KIAA1549L: variants seen among roughly 807,000 people sequenced by gnomAD.
The protein encoded by KIAA1549L is KIAA1549 like, also known as UPF0606 protein KIAA1549L.
A neutral mutation model predicts 160.7 loss-of-function variants in KIAA1549L; 88 were observed. The observed-to-expected ratio is 0.55, with a 90% CI of 0.46 to 0.65. The LOEUF is 0.65. Among genes scored for constraint, KIAA1549L ranks in the 30% least tolerant of loss-of-function variants. The pLI is 0.00. For missense variants in KIAA1549L, 2,258 were observed against 2,437.5 expected, an observed-to-expected ratio of 0.93 and a Z score of 1.55; for synonymous variants, 950 against 976.7, an observed-to-expected ratio of 0.97 and a Z score of 0.51.
At chr11:33,395,547 C>T (rs909928346) in intron 1 of KIAA1549L, among the ~76,000 whole-genome samples, 8 of 151,926 alleles carry the variant, frequency 5.3e-5, no homozygotes, top group African/African-American at 1.9e-4. Context: ...ATTTCTTTAA[C>T]ATATTTTAGA....
At chr11:33,402,008 T>C (rs1850511248) in intron 1 of KIAA1549L, among the ~76,000 whole-genome samples, 1 of 152,182 alleles carries the variant, frequency 6.6e-6, no homozygotes, top group Non-Finnish European at 1.5e-5. Flanking sequence ...GTGGGGGAAT[T>C]TAGGAGCCAG....
At chr11:33,495,989 G>T (rs1263745686) in intron 1 of KIAA1549L, among the ~76,000 whole-genome samples, 1 of 152,162 alleles carries the variant, frequency 6.6e-6, no homozygotes, top group Non-Finnish European at 1.5e-5. Flanking sequence ...TTGAGATGGA[G>T]TCTTGCTCTG....
chr11:33,431,067 C>G (rs1363210230), intron 1 of KIAA1549L, among the ~76,000 whole-genome samples: 1 of 151,944 alleles, frequency 6.6e-6, no homozygotes, highest in Non-Finnish European at 1.5e-5. Context: ...AGCTGCAGAC[C>G]TTTGCGGTGA....
At chr11:33,464,986 G>A (rs1852021986) in intron 1 of KIAA1549L, among the ~76,000 whole-genome samples, 2 of 151,508 alleles carry the variant, frequency 1.3e-5, no homozygotes, top group Admixed American at 1.3e-4. Context: ...TTTGTCCAGG[G>A]GTTCTCTCTG....
rs560808205 is a variant in KIAA1549L, at chr11:33,452,121, T to C, written c.238+75232T>C. 2.6e-5 allele frequency among the ~76,000 whole-genome samples: 4 copies of C among 152,044 alleles called. No individual in the cohort carries two copies. The East Asian group carries it at 7.7e-4, about 29-fold the overall frequency. On this transcript the variant is annotated intron_variant, in intron 1 of 20. Coordinates refer to ENST00000658780, the MANE Select transcript of KIAA1549L (RefSeq NM_012194.3). ...TAGTTAAAAGAATTAAACAACCCCC[T>C]CCCCCACCAAAAAACCATCTTCATT...
intron 1 of KIAA1549L, among the ~76,000 whole-genome samples, chr11:33,478,988 TGC>T (rs1852352153): frequency 6.6e-6 from 1 of 152,236 alleles, no homozygotes; most frequent in Non-Finnish European, 1.5e-5. Flanking sequence ...TTGGGCATGT[TGC>T]CCCTAAGGTT....
intron 15 of KIAA1549L, among the ~76,000 whole-genome samples, chr11:33,614,562 ATATATATATATATATATATATATTTTTT>A (rs1850746223): frequency 2.4e-4 from 3 of 12,652 alleles, no homozygotes; most frequent in African/African-American, 2.3e-3. Context: ...ATATATATAT[ATATATATATATATATATATATATTTTTT>A]TTTTTTTTTT....
chr11:33,503,586 A>G (rs1590293887), intron 1 of KIAA1549L, among the ~76,000 whole-genome samples: 1 of 152,234 alleles, frequency 6.6e-6, no homozygotes, highest in Non-Finnish European at 1.5e-5. Flanking sequence ...GTTCTTTTAA[A>G]TAAGTGAGAT....
intron 1 of KIAA1549L, among the ~76,000 whole-genome samples, chr11:33,463,545 A>G (rs1480008752): frequency 1.3e-5 from 2 of 152,220 alleles, no homozygotes; most frequent in South Asian, 2.1e-4. Flanking sequence ...AAAATAAATG[A>G]TGATTCTCTG....
intron 1 of KIAA1549L, among the ~76,000 whole-genome samples, chr11:33,522,310 A>G (rs1211235440): frequency 6.6e-6 from 1 of 152,208 alleles, no homozygotes; most frequent in African/African-American, 2.4e-5. Flanking sequence ...TATCATATTA[A>G]TGGCGTTAGA....
chr11:33,399,249 G>A (rs1043654303), intron 1 of KIAA1549L, among the ~76,000 whole-genome samples: 4 of 152,004 alleles, frequency 2.6e-5, no homozygotes, highest in Admixed American at 6.6e-5. Context: ...CACCACGCCC[G>A]GCCCAGTTAG....
rs1482259021 is a variant in KIAA1549L, at chr11:33,630,668, G to T, written c.5409+12006G>T. Among the ~76,000 whole-genome samples the T allele has an allele frequency of 7.2e-5, 11 of 152,222 alleles. 1 individual carries two copies. The highest frequency in any genetic ancestry group is 7.2e-4 in the Admixed American group (11 of 15,282). ...GCATGGTGCGTGCACCCAGTGACCT[G>T]CGCCCACTGTCTGGCACTCCCTAGT... is the stretch of plus-strand genomic sequence containing the variant. On this transcript the variant is annotated intron_variant, in intron 16 of 20. Transcript: ENST00000658780.
intron 1 of KIAA1549L, among the ~76,000 whole-genome samples, chr11:33,472,966 T>C (rs935653795): frequency 7.9e-5 from 12 of 152,204 alleles, no homozygotes; most frequent in South Asian, 2.1e-4. Context: ...GGAACATGAG[T>C]AGGGGCTGCT....
In KIAA1549L at chr11:33,594,049, A is replaced by G. The variant is rs927435233; in HGVS notation, c.4751+2628A>G. ...TCAGGAAGAAGGGCATGAGAAGAAC[A>G]AAGAGAGAGTAAGATCCAAGAAGCC... On this transcript the variant is annotated intron_variant, in intron 12 of 20. Coordinates refer to ENST00000658780, the MANE Select transcript of KIAA1549L (RefSeq NM_012194.3). Among the ~76,000 whole-genome samples, 5 of 152,142 alleles carry G rather than the reference A, an allele frequency of 3.3e-5. No homozygotes were observed. In the East Asian group the frequency reaches 9.6e-4, roughly 29 times the overall value.
At position 33,524,702 on chromosome 11, in the gene KIAA1549L, A is replaced by G. The variant is rs543534145; in HGVS notation, c.239-17100A>G. On this transcript the variant is annotated intron_variant, in intron 1 of 20. Coordinates refer to ENST00000658780, the MANE Select transcript of KIAA1549L (RefSeq NM_012194.3). ...TAAAGGGTATACATAAATGCTATATATATTTATGTATCTGCATGTGTATGT... is the reference window on the plus strand; with the variant it reads ...TAAAGGGTATACATAAATGCTATATGTATTTATGTATCTGCATGTGTATGT... 4.6e-5 allele frequency among the ~76,000 whole-genome samples: 7 copies of G among 152,274 alleles called. No homozygotes were observed. In the East Asian group the frequency reaches 1.3e-3, roughly 29 times the overall value.
chr11:33,561,763 C>G, intron 8 of KIAA1549L, 28 bp downstream of exon 8: 2 of 1,459,394 alleles, frequency 1.4e-6, no homozygotes, highest in Non-Finnish European at 1.9e-6. Context: ...AATTTCCCCT[C>G]TTCATGCTGT....
chr11:33,590,108 T>C (rs1850004853), intron 11 of KIAA1549L, among the ~76,000 whole-genome samples: 1 of 152,252 alleles, frequency 6.6e-6, no homozygotes, highest in African/African-American at 2.4e-5. Flanking sequence ...CTTATCTAAA[T>C]GCTGAACTTG....
intron 1 of KIAA1549L, among the ~76,000 whole-genome samples, chr11:33,461,419 G>C (rs770983313): frequency 4.6e-5 from 7 of 152,218 alleles, no homozygotes; most frequent in Admixed American, 4.6e-4. Flanking sequence ...GCTGGGATTC[G>C]AGAAAATGCC....
chr11:33,627,496 G>C (rs1035740571), intron 16 of KIAA1549L, among the ~76,000 whole-genome samples: 1 of 152,040 alleles, frequency 6.6e-6, no homozygotes, highest in African/African-American at 2.4e-5. Context: ...GAGAGTGTAT[G>C]TGTCGAGGAA....
Sources: allele counts gnomAD v4.1 joint callset (sites outside exome capture counted in the v4.1 genomes callset), GRCh38; gene constraint gnomAD v4.1.1; transcripts MANE v1.5; gene names NCBI Gene and HGNC (gene_info 2026-07-23, HGNC 2026-07-21).